The following TINAG variants were observed in gnomAD, a reference collection of about 807,000 sequenced individuals.
TINAG encodes the protein tubulointerstitial nephritis antigen.
A neutral mutation model predicts 72.7 loss-of-function variants in TINAG; 83 were observed. That is an observed-to-expected ratio of 1.14 (90% CI 0.96 to 1.37). The LOEUF (loss-of-function observed/expected upper bound fraction) is 1.37. Among genes scored for constraint, TINAG ranks in the 40% most tolerant of loss-of-function variants. The pLI, the probability that TINAG is intolerant of heterozygous loss-of-function variation, is 0.00. For synonymous variants in TINAG, 234 were observed against 189.9 expected, an observed-to-expected ratio of 1.23 and a Z score of -1.91; for missense variants, 685 against 576.6, an observed-to-expected ratio of 1.19 and a Z score of -1.93.
At chr6:54,332,079 G>A (rs1784755569) in intron 4 of TINAG, among the ~76,000 whole-genome samples, 2 of 152,066 alleles carry the variant, frequency 1.3e-5, no homozygotes, top group Non-Finnish European at 2.9e-5. Flanking sequence ...TTCCCATCAA[G>A]CTACCATGGA....
chr6:54,318,721 C>T (rs535314672), intron 1 of TINAG, among the ~76,000 whole-genome samples: 26 of 152,120 alleles, frequency 1.7e-4, no homozygotes, highest in African/African-American at 6.3e-4. Context: ...TCTGTAAATG[C>T]TGTGTGGGAA....
Position 54,308,604 on chromosome 6 carries a change from G to A in TINAG, c.54G>A (p.Trp18Ter), listed in dbSNP as rs1051484597. The A allele has an allele frequency of 3.0e-5, 49 of 1,613,418 alleles. No individual in the cohort carries two copies. Among genetic ancestry groups the A allele is most frequent in the African/African-American group, 4.0e-5 (3 of 74,848 alleles). ...TCTCTTATCTTACTACAGAAATCTG[G>A]ATGGAGAAGCAGTATTTATCTCAAA... is the stretch of plus-strand genomic sequence containing the variant. Reference protein sequence around the residue: ...LIFSYLTTEIWMEKQYLSQRE... With the variant: ...LIFSYLTTEI The change falls in exon 1 of 11, where the codon TGG becomes TGA. Residue 18 changes from tryptophan to a stop codon, truncating the protein, a stop_gained. Coordinates refer to ENST00000259782, the MANE Select transcript of TINAG (RefSeq NM_014464.4). LOFTEE classifies it high-confidence loss of function.
intron 4 of TINAG, among the ~76,000 whole-genome samples, chr6:54,336,336 A>C (rs530010566): frequency 1.2e-4 from 18 of 152,262 alleles, no homozygotes; most frequent in African/African-American, 3.8e-4. Flanking sequence ...TTAATGTGGT[A>C]AGGACTAAGT....
intron 4 of TINAG, among the ~76,000 whole-genome samples, chr6:54,340,689 A>T (rs1784975679): frequency 6.6e-6 from 1 of 152,156 alleles, no homozygotes; most frequent in African/African-American, 2.4e-5. Flanking sequence ...AAAATCTTGA[A>T]AATCCAACAG....
rs114851099 is a variant in TINAG at position 54,311,551 on chromosome 6, C to G, written c.355+2646C>G. On this transcript the variant is annotated intron_variant, in intron 1 of 10. Coordinates refer to ENST00000259782, the MANE Select transcript of TINAG (RefSeq NM_014464.4). Reference sequence around the variant, plus strand: ...CAATTAGTATTATCCAGAGAGGTAACCTTTACTTATATAATCAGTAAAACG... The same window carrying G: ...CAATTAGTATTATCCAGAGAGGTAAGCTTTACTTATATAATCAGTAAAACG... Among the ~76,000 whole-genome samples, 21 of 152,260 alleles carry G rather than the reference C, an allele frequency of 1.4e-4. No individual in the cohort carries two copies. In the East Asian group the frequency reaches 3.9e-3, roughly 28 times the overall value.
chr6:54,353,816 A>C (rs1470046168), intron 8 of TINAG, among the ~76,000 whole-genome samples: 3 of 151,808 alleles, frequency 2.0e-5, no homozygotes, highest in Non-Finnish European at 4.4e-5. Flanking sequence ...TCCCAATTAA[A>C]AATTTTCAAA....
intron 8 of TINAG, among the ~76,000 whole-genome samples, chr6:54,352,440 T>C (rs544017636): frequency 6.6e-6 from 1 of 151,998 alleles, no homozygotes; most frequent in South Asian, 2.1e-4. Context: ...GGGAAAATTA[T>C]GGGACATTAC....
intron 4 of TINAG, among the ~76,000 whole-genome samples, chr6:54,328,786 A>T (rs1279693539): frequency 1.3e-5 from 2 of 151,980 alleles, no homozygotes. Flanking sequence ...AAATGACCTG[A>T]TGGAGCTGAA....
chr6:54,348,256 A>C (rs1785173689), intron 6 of TINAG, among the ~76,000 whole-genome samples: 1 of 152,090 alleles, frequency 6.6e-6, no homozygotes, highest in Non-Finnish European at 1.5e-5. Context: ...AAATTGCTTT[A>C]AATTTTTTCA....
chr6:54,308,686 C>A lies in TINAG; in HGVS notation c.136C>A (p.Arg46=), dbSNP rs766413373. ...TRNHTVLQGT[R]FKRAIFQGQY... ...GAATCACACCGTTTTGCAAGGTACT[C>A]GATTCAAAAGAGCCATTTTCCAAGG... is the stretch of plus-strand genomic sequence containing the variant. The change falls in exon 1 of 11, where the codon CGA becomes AGA. Residue 46 remains arginine (R), a synonymous_variant. Coordinates refer to ENST00000259782, the MANE Select transcript of TINAG (RefSeq NM_014464.4). 1.9e-6 allele frequency: 3 copies of A among 1,613,600 alleles called. No homozygotes were observed. Among genetic ancestry groups the A allele is most frequent in the African/African-American group, 1.3e-5 (1 of 74,840 alleles).
intron 9 of TINAG, among the ~76,000 whole-genome samples, chr6:54,369,185 G>A (rs1470005581): frequency 1.3e-5 from 2 of 151,808 alleles, no homozygotes; most frequent in African/African-American, 4.8e-5. Context: ...ACTTATGCTT[G>A]CTCCTCATGA....
Position 54,308,466 on chromosome 6 carries a change from T to C in TINAG, c.-85T>C, listed in dbSNP as rs1307072941. 3 of 1,149,522 alleles carry C rather than the reference T, an allele frequency of 2.6e-6. No homozygotes were observed. In the African/African-American group the frequency reaches 4.7e-5, roughly 18 times the overall value. The allele number at this position is 1,149,522 out of a possible 1,614,324, so 71.2% of individuals were successfully genotyped here. ...GTTCAGGCTGAAGTGTCTTAATGAC[T>C]AGAATTCAGGTTCCAAGGAGAAGCC... On this transcript the variant is annotated 5_prime_UTR_variant, in exon 1 of 11. Coordinates refer to ENST00000259782, the MANE Select transcript of TINAG (RefSeq NM_014464.4).
At chr6:54,316,394 C>T (rs1222642878) in intron 1 of TINAG, among the ~76,000 whole-genome samples, 1 of 152,088 alleles carries the variant, frequency 6.6e-6, no homozygotes, top group Non-Finnish European at 1.5e-5. Context: ...TGCTGATTAA[C>T]AAGTCATGAA....
intron 9 of TINAG, among the ~76,000 whole-genome samples, chr6:54,375,754 C>T (rs1763760510): frequency 6.6e-6 from 1 of 152,190 alleles, no homozygotes; most frequent in Admixed American, 6.6e-5. Flanking sequence ...ATGGGTCTTA[C>T]ATTCTTATTC....
At chr6:54,340,003 A>G (rs1036058325) in intron 4 of TINAG, among the ~76,000 whole-genome samples, 1 of 152,202 alleles carries the variant, frequency 6.6e-6, no homozygotes, top group Non-Finnish European at 1.5e-5. Flanking sequence ...AAATTGATCA[A>G]TTTATCTCAA....
chr6:54,334,417 C>T (rs1784813293), intron 4 of TINAG, among the ~76,000 whole-genome samples: 1 of 152,082 alleles, frequency 6.6e-6, no homozygotes. Context: ...GTTATTGTTC[C>T]AATTCAAATT....
At chr6:54,322,265 G>A (rs563945960) in intron 3 of TINAG, among the ~76,000 whole-genome samples, 23 of 152,078 alleles carry the variant, frequency 1.5e-4, no homozygotes, top group African/African-American at 5.3e-4. Flanking sequence ...CCGAGATTGC[G>A]CCACTGCACT....
chr6:54,345,292 G>A (rs1186613219), intron 5 of TINAG, among the ~76,000 whole-genome samples: 3 of 152,116 alleles, frequency 2.0e-5, no homozygotes, highest in South Asian at 4.2e-4. Flanking sequence ...CAGAAATGTC[G>A]GTATAAGACC....
intron 9 of TINAG, among the ~76,000 whole-genome samples, chr6:54,371,609 C>T (rs988314449): frequency 4.0e-5 from 6 of 151,572 alleles, no homozygotes; most frequent in Non-Finnish European, 7.4e-5. Context: ...ACCTTGATTT[C>T]ACAGGTAGAT....
Sources: allele counts gnomAD v4.1 joint callset (sites outside exome capture counted in the v4.1 genomes callset), GRCh38; gene constraint gnomAD v4.1.1; transcripts MANE v1.5; gene names NCBI Gene and HGNC (gene_info 2026-07-23, HGNC 2026-07-21).